FAM228B: variants seen among roughly 807,000 people sequenced by gnomAD.
FAM228B encodes the protein protein FAM228B.
In FAM228B, 38 loss-of-function variants were observed where a neutral mutation model predicts 42.6. The observed-to-expected ratio is 0.89, with a 90% CI of 0.69 to 1.17. FAM228B has a LOEUF of 1.17. Among genes scored for constraint, FAM228B ranks in the 50% most tolerant of loss-of-function variants. FAM228B has a pLI of 0.00. For synonymous variants in FAM228B, 109 were observed against 122.3 expected (o/e 0.89, Z 0.72); for missense variants, 344 against 367.3 (o/e 0.94, Z 0.52).
intron 9 of FAM228B, chr2:24,166,365 G>A (rs557937188): frequency 1.3e-5 from 2 of 152,124 alleles, no homozygotes; most frequent in Admixed American, 1.3e-4. Flanking sequence ...CTTTCTGACT[G>A]TCTCTCCATT....
intron 3 of FAM228B, among the ~76,000 whole-genome samples, chr2:24,111,276 T>C (rs1254011069): frequency 6.6e-6 from 1 of 152,184 alleles, no homozygotes; most frequent in Non-Finnish European, 1.5e-5. Flanking sequence ...CCCAGGCTGA[T>C]TTCGAACTCC....
At chr2:24,161,415 G>A in intron 7 of FAM228B, 91 bp from the exon 8 acceptor site, 1 of 758,494 alleles carries the variant, frequency 1.3e-6, no homozygotes, top group Non-Finnish European at 2.2e-6. Context: ...TTGCACCACT[G>A]CACCACAGCC....
intron 3 of FAM228B, among the ~76,000 whole-genome samples, chr2:24,098,988 C>A (rs1665556024): frequency 6.6e-6 from 1 of 152,182 alleles, no homozygotes; most frequent in South Asian, 2.1e-4. Flanking sequence ...ATACACAAAT[C>A]AATAAATGTA....
intron 7 of FAM228B, among the ~76,000 whole-genome samples, chr2:24,152,153 G>A (rs1356181186): frequency 2.6e-5 from 4 of 152,214 alleles, no homozygotes; most frequent in Non-Finnish European, 5.9e-5. Flanking sequence ...ACAGGCATGA[G>A]CCACCACGCC....
chr2:24,151,027 A>G lies in FAM228B; in HGVS notation c.686+3941A>G, dbSNP rs1188871707. On this transcript the variant is annotated intron_variant, in intron 7 of 10. Transcript: ENST00000615575. ...CCCTTTGAATAAACTTTCTACTTCT[A>G]TATCTATCTCCCCTGTAAGGCCAAT... Among the ~76,000 whole-genome samples the G allele has an allele frequency of 1.1e-4, 16 of 152,198 alleles. No homozygotes were observed. In the South Asian group the frequency reaches 3.1e-3, roughly 30 times the overall value.
intron 5 of FAM228B, among the ~76,000 whole-genome samples, chr2:24,140,966 TAA>T (rs77085785): frequency 3.9e-5 from 5 of 129,078 alleles, no homozygotes; most frequent in Non-Finnish European, 5.0e-5. Flanking sequence ...AGACTCTGTC[TAA>T]AAAAAAAAAA....
chr2:24,080,816 T>C lies in FAM228B; in HGVS notation c.-289-60T>C. 6.2e-7 allele frequency: 1 copy of C among 1,614,216 alleles called. No homozygotes were observed. The highest frequency in any genetic ancestry group is 2.2e-5 in the East Asian group (1 of 44,886). ...CTGCTGAACTGTAGAAGCAGTTGTT[T>C]ACCTTTGGTGAATTTCAGCGTTGCT... is the stretch of plus-strand genomic sequence containing the variant. On this transcript the variant is annotated intron_variant, in intron 1 of 10. Transcript: ENST00000613899. The surrounding 1 kb of genome is among the most constrained non-coding windows in gnomAD (Gnocchi z 4.7).
At chr2:24,108,697 C>T (rs1046116003) in intron 3 of FAM228B, among the ~76,000 whole-genome samples, 10 of 151,874 alleles carry the variant, frequency 6.6e-5, no homozygotes, top group African/African-American at 2.4e-5. Context: ...GTCATGAGAT[C>T]GAGACCATCC....
chr2:24,119,662 G>A (rs1134516), upstream of FAM228B: 246,833 of 1,604,264 alleles, frequency 0.15, 20,473 homozygotes, highest in South Asian at 0.22. Flanking sequence ...GGGTCTTCAC[G>A]ACAACCACAC....
intron 7 of FAM228B, among the ~76,000 whole-genome samples, chr2:24,158,482 G>C (rs1667211918): frequency 6.6e-6 from 1 of 152,156 alleles, no homozygotes; most frequent in Non-Finnish European, 1.5e-5. Context: ...AGAGTTGGGA[G>C]TTTATCATGT....
rs1216064385 is a variant in FAM228B, at chr2:24,161,550, A to G, written c.731A>G (p.Lys244Arg). Residue 244 changes from lysine to arginine, a missense_variant, in exon 8 of 11, where the codon AAA (lysine) becomes AGA (arginine). Lys to Arg is a conservative substitution (Grantham distance 26). Transcript: ENST00000615575. ...TTTAATGACTGTAGTTTTGATTTGA[A>G]ACCTTTGGCAAGAGCTCCTTATCTT... ...VNFNDCSFDLKPLARAPYLLE... is the reference protein window; with the variant it reads ...VNFNDCSFDLRPLARAPYLLE... 2 of 1,548,922 alleles carry G rather than the reference A, an allele frequency of 1.3e-6. No homozygotes were observed. Among genetic ancestry groups the G allele is most frequent in the South Asian group, 2.4e-5 (2 of 83,972 alleles).
intron 3 of FAM228B, among the ~76,000 whole-genome samples, chr2:24,112,803 A>G (rs1016760927): frequency 6.6e-6 from 1 of 152,088 alleles, no homozygotes; most frequent in African/African-American, 2.4e-5. Context: ...ATTTTCATTG[A>G]TCACTGTCTC....
In FAM228B at chr2:24,146,728, A is replaced by G; in HGVS notation, c.442-20A>G. The G allele has an allele frequency of 1.3e-6, 2 of 1,520,046 alleles. No homozygotes were observed. The highest frequency in any genetic ancestry group is 1.8e-6 in the Non-Finnish European group (2 of 1,121,680). 94.2% of individuals were successfully genotyped at this position (1,520,046 alleles called of 1,614,324 possible). On this transcript the variant is annotated intron_variant, in intron 5 of 10. Transcript: ENST00000615575. Reference sequence around the variant, plus strand: ...ACTCAGACTTGCAACTCAGTGCTTAAACAAGTGCCTCTCTTGTAGGTTACC... The same window carrying G: ...ACTCAGACTTGCAACTCAGTGCTTAGACAAGTGCCTCTCTTGTAGGTTACC...
intron 3 of FAM228B, among the ~76,000 whole-genome samples, chr2:24,112,296 CTTT>C (rs397984067): frequency 1.8e-4 from 17 of 95,726 alleles, no homozygotes; most frequent in East Asian, 6.2e-4. Flanking sequence ...AAGCTTTCAT[CTTT>C]TTTTTTTTTT....
chr2:24,125,807 C>A (rs372584218), intron 2 of FAM228B, among the ~76,000 whole-genome samples: 7 of 152,194 alleles, frequency 4.6e-5, no homozygotes, highest in African/African-American at 1.4e-4. Flanking sequence ...AAGTGATCTG[C>A]CCGCCTCGGC....
chr2:24,121,420 T>C (rs997106293), upstream of FAM228B: 35 of 938,092 alleles, frequency 3.7e-5, no homozygotes, highest in Non-Finnish European at 5.1e-5. Flanking sequence ...TGTTTTTAAA[T>C]GGTTGGGGAA....
chr2:24,135,995 C>G (rs1455745160), intron 3 of FAM228B, among the ~76,000 whole-genome samples: 2 of 49,004 alleles, frequency 4.1e-5, no homozygotes, highest in East Asian at 1.3e-3. Context: ...TTTTTTTTTT[C>G]CATAGAATGT....
intron 2 of FAM228B, among the ~76,000 whole-genome samples, chr2:24,131,041 A>G (rs1666441623): frequency 6.6e-6 from 1 of 152,144 alleles, no homozygotes; most frequent in South Asian, 2.1e-4. Flanking sequence ...ACCATTTATT[A>G]AATAGGGAAT....
chr2:24,167,601 G>T, intron 9 of FAM228B, 26 bp from the exon 10 acceptor site: 1 of 1,551,190 alleles, frequency 6.4e-7, no homozygotes, highest in South Asian at 1.2e-5. Context: ...ATAACATAAT[G>T]ACCAAAGCTT....
Sources: allele counts gnomAD v4.1 joint callset (sites outside exome capture counted in the v4.1 genomes callset), GRCh38; gene constraint gnomAD v4.1.1; non-coding constraint Gnocchi (gnomAD v3.1); transcripts MANE v1.5; gene names NCBI Gene and HGNC (gene_info 2026-07-23, HGNC 2026-07-21).